Variants in NSMCE2 observed in about 807,000 individuals in gnomAD.
The protein encoded by NSMCE2 is E3 SUMO-protein ligase NSE2.
NSMCE2 carries 24 observed loss-of-function variants against 23.8 expected under a neutral mutation model. That is an observed-to-expected ratio of 1.01 (90% CI 0.73 to 1.42). NSMCE2 has a LOEUF of 1.42. NSMCE2 is among the 40% of genes most tolerant of loss of function. NSMCE2 has a pLI of 0.00. For missense variants in NSMCE2, 284 were observed against 296.5 expected (o/e 0.96, Z 0.31); for synonymous variants, 92 against 94.1 (o/e 0.98, Z 0.13).
At chr8:125,363,861 C>G (rs1275089414) in intron 7 of NSMCE2, among the ~76,000 whole-genome samples, 1 of 152,204 alleles carries the variant, frequency 6.6e-6, no homozygotes, top group Non-Finnish European at 1.5e-5. Flanking sequence ...CCAAATCACC[C>G]TGATCCTCTT....
chr8:125,348,597 G>A (rs1438783152), intron 5 of NSMCE2: 1 of 152,110 alleles, frequency 6.6e-6, no homozygotes, highest in African/African-American at 2.4e-5. Context: ...TGAATCATGG[G>A]GGCGGTGTCC....
rs763026715 is a variant in NSMCE2 at position 125,293,715 on chromosome 8, TGA to T, written c.419-63499_419-63498del. On this transcript the variant is annotated intron_variant, in intron 5 of 7. Transcript: ENST00000287437. The stretch of plus-strand genomic sequence containing the variant: ...CTGATGGGTTAAACACTGAATGCTG[TGA>T]GAGATGATGGCTTTGGAGTCCCAAG... Among the ~76,000 whole-genome samples, 41 of 152,250 alleles carry T rather than the reference TGA, an allele frequency of 2.7e-4. 1 individual carries two copies. Among genetic ancestry groups the T allele is most frequent in the Non-Finnish European group, 5.9e-4 (40 of 68,046 alleles).
intron 7 of NSMCE2, among the ~76,000 whole-genome samples, chr8:125,364,123 T>C (rs1003404209): frequency 5.3e-5 from 8 of 152,120 alleles, no homozygotes; most frequent in Admixed American, 3.3e-4. Context: ...TTTGTATTTT[T>C]AGTAAAGATA....
chr8:125,347,813 C>T (rs1025911759), intron 5 of NSMCE2, among the ~76,000 whole-genome samples: 4 of 152,096 alleles, frequency 2.6e-5, no homozygotes, highest in African/African-American at 7.2e-5. Flanking sequence ...AGCTTCACCA[C>T]GTACATAGAA....
chr8:125,286,972 T>G (rs940050527), intron 5 of NSMCE2, among the ~76,000 whole-genome samples: 1 of 152,182 alleles, frequency 6.6e-6, no homozygotes, highest in Admixed American at 6.5e-5. Context: ...ACTCCCGATC[T>G]CACTGTAACG....
At chr8:125,217,743 A>G (rs1412120574) in intron 5 of NSMCE2, among the ~76,000 whole-genome samples, 1 of 152,090 alleles carries the variant, frequency 6.6e-6, no homozygotes, top group Non-Finnish European at 1.5e-5. Flanking sequence ...CAGTCCTGTT[A>G]TTACAGCTGT....
chr8:125,236,684 AT>A (rs2130963743), intron 5 of NSMCE2, among the ~76,000 whole-genome samples: 1 of 152,262 alleles, frequency 6.6e-6, no homozygotes, highest in South Asian at 2.1e-4. Context: ...TTTTTAAACA[AT>A]TGTCATCATT....
At chr8:125,172,379 T>C (rs1219553648) in intron 4 of NSMCE2, among the ~76,000 whole-genome samples, 1 of 152,226 alleles carries the variant, frequency 6.6e-6, no homozygotes, top group African/African-American at 2.4e-5. Context: ...TTCAAACAGT[T>C]CTAGACAGGT....
chr8:125,198,944 A>G (rs913678619), intron 5 of NSMCE2, among the ~76,000 whole-genome samples: 1 of 151,968 alleles, frequency 6.6e-6, no homozygotes, highest in African/African-American at 2.4e-5. Context: ...GAATTTATCC[A>G]TTTCTTCTAG....
intron 5 of NSMCE2, among the ~76,000 whole-genome samples, chr8:125,329,206 TTCC>T (rs1259189008): frequency 6.6e-6 from 1 of 152,202 alleles, no homozygotes; most frequent in African/African-American, 2.4e-5. Context: ...CGGGCAATCC[TTCC>T]TTACCAGGTT....
At chr8:125,307,510 G>A (rs1371324782) in intron 5 of NSMCE2, among the ~76,000 whole-genome samples, 1 of 152,164 alleles carries the variant, frequency 6.6e-6, no homozygotes, top group Admixed American at 6.5e-5. Context: ...CCATTTGTCT[G>A]GAGTGGCAGC....
intron 5 of NSMCE2, among the ~76,000 whole-genome samples, chr8:125,321,932 C>T (rs1234315133): frequency 6.6e-6 from 1 of 152,114 alleles, no homozygotes; most frequent in Middle Eastern, 3.2e-3. Context: ...ATCTGCATTT[C>T]CCTAATGACT....
At chr8:125,120,846 T>G (rs930677307) in intron 3 of NSMCE2, among the ~76,000 whole-genome samples, 2 of 152,234 alleles carry the variant, frequency 1.3e-5, no homozygotes, top group Non-Finnish European at 2.9e-5. Context: ...GGCGCATTCC[T>G]TGCATGAATT....
intron 5 of NSMCE2, among the ~76,000 whole-genome samples, chr8:125,197,730 A>G (rs941250734): frequency 5.3e-5 from 8 of 152,188 alleles, no homozygotes; most frequent in African/African-American, 1.9e-4. Context: ...CTTTGAAGAA[A>G]GTCATTGGTA....
At chr8:125,151,035 G>A (rs1426729890) in intron 3 of NSMCE2, 136 bp from the exon 4 acceptor site, 1 of 445,298 alleles carries the variant, frequency 2.2e-6, no homozygotes, top group African/African-American at 2.0e-5. Flanking sequence ...TTTTTTTGAG[G>A]AGGTTTTTTT....
chr8:125,094,495 C>T (rs1237256441), intron 1 of NSMCE2: 2 of 152,150 alleles, frequency 1.3e-5, no homozygotes, highest in East Asian at 3.8e-4. Context: ...ATCGTGTTTT[C>T]CTTGGTCCTC....
chr8:125,343,087 C>T (rs1416927350), intron 5 of NSMCE2, among the ~76,000 whole-genome samples: 2 of 152,086 alleles, frequency 1.3e-5, no homozygotes, highest in African/African-American at 4.8e-5. Context: ...GAAAAACAAG[C>T]ATGTTTCATT....
At chr8:125,306,512 G>C (rs928339951) in intron 5 of NSMCE2, among the ~76,000 whole-genome samples, 10 of 152,064 alleles carry the variant, frequency 6.6e-5, no homozygotes, top group African/African-American at 2.2e-4. Flanking sequence ...CAGCTCCACT[G>C]TAACAGTATT....
At chr8:125,116,403 T>TA (rs1819008401) in intron 3 of NSMCE2, among the ~76,000 whole-genome samples, 1 of 152,154 alleles carries the variant, frequency 6.6e-6, no homozygotes, top group African/African-American at 2.4e-5. Flanking sequence ...TTCCTTATGT[T>TA]AAAAAAATTA....
Sources: allele counts gnomAD v4.1 joint callset (sites outside exome capture counted in the v4.1 genomes callset), GRCh38; gene constraint gnomAD v4.1.1; transcripts MANE v1.5; gene names NCBI Gene and HGNC (gene_info 2026-07-23, HGNC 2026-07-21).